The following NCK1 variants were observed in gnomAD, a reference collection of about 807,000 sequenced individuals.
NCK1 encodes the protein SH2/SH3 adapter protein NCK1.
NCK1 carries 19 observed loss-of-function variants against 36.6 expected under a neutral mutation model. The observed-to-expected ratio is 0.52, with a 90% CI of 0.36 to 0.76. NCK1 has a LOEUF of 0.76. NCK1 is among the 30% of genes least tolerant of loss of function. The pLI is 0.00. For missense variants in NCK1, 358 were observed against 445.6 expected, an observed-to-expected ratio of 0.80 and a Z score of 1.77; for synonymous variants, 165 against 156.0, an observed-to-expected ratio of 1.06 and a Z score of -0.43.
At chr3:136,865,743 A>G (rs1226408558) in intron 1 of NCK1, among the ~76,000 whole-genome samples, 2 of 152,260 alleles carry the variant, frequency 1.3e-5, no homozygotes, top group Non-Finnish European at 1.5e-5. Context: ...TAGGAAGACA[A>G]CAAGGCTAAA....
chr3:136,887,427 G>C (rs1357329832), intron 1 of NCK1, among the ~76,000 whole-genome samples: 2 of 152,156 alleles, frequency 1.3e-5, no homozygotes, highest in Non-Finnish European at 2.9e-5. Context: ...TGGAATAAAG[G>C]ATAAGTTAAA....
At chr3:136,940,729 G>A (rs1285020115) in intron 2 of NCK1, among the ~76,000 whole-genome samples, 1 of 152,038 alleles carries the variant, frequency 6.6e-6, no homozygotes, top group African/African-American at 2.4e-5. Flanking sequence ...ATTTTTGGTA[G>A]AGACGGAGTT....
chr3:136,922,767 G>T (rs1314146390), intron 1 of NCK1, among the ~76,000 whole-genome samples: 3 of 152,162 alleles, frequency 2.0e-5, no homozygotes, highest in African/African-American at 7.2e-5. Flanking sequence ...ACAGAATTTA[G>T]CAGTATCTCA....
At chr3:136,939,105 C>A (rs1228965213) in intron 2 of NCK1, among the ~76,000 whole-genome samples, 1 of 152,138 alleles carries the variant, frequency 6.6e-6, no homozygotes, top group Non-Finnish European at 1.5e-5. Context: ...CCATCTGGTC[C>A]AGAGCACATT....
chr3:136,868,721 A>G (rs1276199906), intron 1 of NCK1, among the ~76,000 whole-genome samples: 1 of 152,216 alleles, frequency 6.6e-6, no homozygotes, highest in Non-Finnish European at 1.5e-5. Flanking sequence ...ATCTCTTGAT[A>G]ATGCCAATTA....
At chr3:136,920,456 T>G (rs1041160306) in intron 1 of NCK1, among the ~76,000 whole-genome samples, 4 of 152,092 alleles carry the variant, frequency 2.6e-5, no homozygotes, top group African/African-American at 7.2e-5. Context: ...AGCAAAGGAA[T>G]GAGAATAAAG....
At chr3:136,864,709 TAAAG>T (rs1319101955) in intron 1 of NCK1, among the ~76,000 whole-genome samples, 4 of 150,334 alleles carry the variant, frequency 2.7e-5, no homozygotes, top group East Asian at 1.9e-4. Context: ...AGGAAAATAA[TAAAG>T]AAAAGAGATA....
intron 1 of NCK1, among the ~76,000 whole-genome samples, chr3:136,908,308 T>A (rs1222734593): frequency 1.3e-5 from 2 of 152,206 alleles, no homozygotes; most frequent in Non-Finnish European, 2.9e-5. Context: ...AATTAGTTTT[T>A]AAAAATATTA....
intron 1 of NCK1, among the ~76,000 whole-genome samples, chr3:136,886,316 G>A (rs1939072623): frequency 6.6e-6 from 1 of 152,002 alleles, no homozygotes; most frequent in Non-Finnish European, 1.5e-5. Flanking sequence ...TCCATGAGGT[G>A]TTGGTTCCAA....
At chr3:136,939,731 C>A (rs924003648) in intron 2 of NCK1, among the ~76,000 whole-genome samples, 1 of 151,748 alleles carries the variant, frequency 6.6e-6, no homozygotes, top group African/African-American at 2.4e-5. Flanking sequence ...TTAGTTGCCA[C>A]ACACTTGTTA....
At chr3:136,866,640 G>T (rs1364549140) in intron 1 of NCK1, among the ~76,000 whole-genome samples, 7 of 142,582 alleles carry the variant, frequency 4.9e-5, no homozygotes, top group African/African-American at 1.8e-4. Context: ...TCTTTGAGGC[G>T]TCTCACTCTG....
At chr3:136,888,145 A>G (rs1445798266) in intron 1 of NCK1, among the ~76,000 whole-genome samples, 4 of 151,896 alleles carry the variant, frequency 2.6e-5, no homozygotes, top group Non-Finnish European at 4.4e-5. Context: ...GGGTTTCGCC[A>G]TGTTGGCCAG....
At chr3:136,876,392 T>C (rs147764400) in intron 1 of NCK1, among the ~76,000 whole-genome samples, 1,675 of 152,108 alleles carry the variant, frequency 0.011, 16 homozygotes, top group Non-Finnish European at 0.019. Context: ...ATCAACAAAA[T>C]TGATAGACCG....
At chr3:136,912,204 C>T (rs1374441896) in intron 1 of NCK1, among the ~76,000 whole-genome samples, 1 of 147,048 alleles carries the variant, frequency 6.8e-6, no homozygotes, top group African/African-American at 2.5e-5. Flanking sequence ...GCTCTGTCAC[C>T]CAGGCTGGAG....
Position 136,901,621 on chromosome 3 carries a change from A to G in NCK1, c.-18-26363A>G, listed in dbSNP as rs547667882. 2.0e-4 allele frequency among the ~76,000 whole-genome samples: 30 copies of G among 152,156 alleles called. No individual in the cohort carries two copies. The South Asian group carries it at 6.0e-3, about 31-fold the overall frequency. On this transcript the variant is annotated intron_variant, in intron 1 of 3. Transcript: ENST00000481752. ...CAATCTTGGTAGATTGTATATGTCT[A>G]TGTCTAGGAATGCATCCATTTCCTC... is the stretch of plus-strand genomic sequence containing the variant.
At chr3:136,903,344 G>A (rs1443549216) in intron 1 of NCK1, among the ~76,000 whole-genome samples, 1 of 152,108 alleles carries the variant, frequency 6.6e-6, no homozygotes, top group Non-Finnish European at 1.5e-5. Flanking sequence ...TGTCTTTACA[G>A]GTGAGATGAG....
intron 2 of NCK1, among the ~76,000 whole-genome samples, chr3:136,937,320 A>T (rs1279482603): frequency 6.6e-6 from 1 of 152,148 alleles, no homozygotes; most frequent in African/African-American, 2.4e-5. Flanking sequence ...TCATTGCTGT[A>T]TATGTCTGTC....
chr3:136,913,051 C>A (rs1280176508), intron 1 of NCK1, among the ~76,000 whole-genome samples: 6 of 152,096 alleles, frequency 3.9e-5, no homozygotes, highest in African/African-American at 1.4e-4. Context: ...GTTCTTTGAA[C>A]ACCTTTAAGG....
intron 1 of NCK1, chr3:136,900,089 G>A (rs1939501380): frequency 2.1e-6 from 1 of 465,302 alleles, no homozygotes; most frequent in Non-Finnish European, 4.0e-6. Flanking sequence ...TCCCTTTCAG[G>A]GCTTGATATT....
Sources: allele counts gnomAD v4.1 joint callset (sites outside exome capture counted in the v4.1 genomes callset), GRCh38; gene constraint gnomAD v4.1.1; transcripts MANE v1.5; gene names NCBI Gene and HGNC (gene_info 2026-07-23, HGNC 2026-07-21).